Variants in SETBP1 observed in about 807,000 individuals in gnomAD.
SETBP1 encodes SET binding protein 1.
Under a neutral mutation model 101.0 loss-of-function variants are expected in SETBP1, and 9 were observed. The observed-to-expected ratio is 0.09, with a 90% CI of 0.05 to 0.16. The LOEUF (loss-of-function observed/expected upper bound fraction) is 0.16. Among genes scored for constraint, SETBP1 ranks in the 10% least tolerant of loss-of-function variants. SETBP1 has a pLI of 1.00. For missense variants in SETBP1, 1,858 were observed against 2,033.8 expected (o/e 0.91, Z 1.66); for synonymous variants, 818 against 788.5 (o/e 1.04, Z -0.63).
intron 4 of SETBP1, among the ~76,000 whole-genome samples, chr18:44,994,114 G>T (rs183266650): frequency 1.3e-5 from 2 of 152,050 alleles, no homozygotes; most frequent in East Asian, 3.9e-4. Context: ...GGAGAATTTG[G>T]AATATTTAAA....
At chr18:44,746,210 T>C (rs1392943412) in intron 2 of SETBP1, among the ~76,000 whole-genome samples, 2 of 152,216 alleles carry the variant, frequency 1.3e-5, no homozygotes, top group Admixed American at 6.5e-5. Context: ...AAGACATTTA[T>C]GTAGTGGGAC....
intron 5 of SETBP1, among the ~76,000 whole-genome samples, chr18:45,043,060 A>G (rs1045649719): frequency 6.6e-6 from 1 of 152,246 alleles, no homozygotes; most frequent in African/African-American, 2.4e-5. Flanking sequence ...CACTAGCCCA[A>G]TCATGATTTA....
At chr18:44,964,217 TTATTC>T (rs926639879) in intron 4 of SETBP1, among the ~76,000 whole-genome samples, 4 of 152,178 alleles carry the variant, frequency 2.6e-5, no homozygotes, top group Admixed American at 6.5e-5. Context: ...TATTTTTACT[TTATTC>T]TAATCACAGT....
chr18:44,688,392 C>T (rs1318231443), intron 1 of SETBP1, among the ~76,000 whole-genome samples: 1 of 151,964 alleles, frequency 6.6e-6, no homozygotes, highest in African/African-American at 2.4e-5. Flanking sequence ...TTGTAGCAGA[C>T]TAATGAAATC....
intron 2 of SETBP1, among the ~76,000 whole-genome samples, chr18:44,848,447 A>G (rs112915802): frequency 6.6e-6 from 1 of 152,312 alleles, no homozygotes; most frequent in Non-Finnish European, 1.5e-5. Context: ...ATATGGAAAT[A>G]CACATGGCTA....
chr18:44,823,527 G>A (rs2072164065), intron 2 of SETBP1, among the ~76,000 whole-genome samples: 1 of 152,156 alleles, frequency 6.6e-6, no homozygotes, highest in Non-Finnish European at 1.5e-5. Context: ...CTGTGATGAG[G>A]ACTCACTTCT....
chr18:44,912,419 A>G (rs2070331541), intron 3 of SETBP1, among the ~76,000 whole-genome samples: 1 of 152,170 alleles, frequency 6.6e-6, no homozygotes, highest in Non-Finnish European at 1.5e-5. Context: ...TCCTTCTCAA[A>G]GCCCACTTTA....
At chr18:44,733,749 C>T (rs1037749881) in intron 2 of SETBP1, among the ~76,000 whole-genome samples, 1 of 152,166 alleles carries the variant, frequency 6.6e-6, no homozygotes, top group Non-Finnish European at 1.5e-5. Context: ...CACGGTGTCC[C>T]TGAGAAATTT....
chr18:44,703,770 G>A (rs567972415), intron 2 of SETBP1, among the ~76,000 whole-genome samples: 2 of 152,230 alleles, frequency 1.3e-5, no homozygotes, highest in African/African-American at 2.4e-5. Flanking sequence ...ATACTCTGTC[G>A]TGAAACCAAA....
At position 45,063,553 on chromosome 18, in the gene SETBP1, G is replaced by A. The variant is rs752582871; in HGVS notation, c.4646G>A (p.Arg1549Gln). ...CCACCCCCTCTACCCAAGACCCCCCGAGGCGGAAAGAGGAAACACAAACCG... is the reference window on the plus strand; with the variant it reads ...CCACCCCCTCTACCCAAGACCCCCCAAGGCGGAAAGAGGAAACACAAACCG... ...PPPPPLPKTP[R>Q]GGKRKHKPQA... Residue 1549 changes from arginine to glutamine, a missense_variant, in exon 6 of 6, where the codon CGA becomes CAA. Arg to Gln is a conservative substitution (Grantham distance 43, BLOSUM62 1). This residue lies in a region of SETBP1 where 178 missense variants were observed against 189.1 expected (regional missense o/e 0.94). Transcript: ENST00000649279. 1 of 780,058 alleles carries A rather than the reference G, an allele frequency of 1.3e-6. No individual in the cohort carries two copies. Among genetic ancestry groups the A allele is most frequent in the South Asian group, 2.7e-5 (1 of 36,718 alleles). The allele number at this position is 780,058 out of a possible 1,614,324, so 48.3% of individuals were successfully genotyped here.
chr18:44,849,746 G>T (rs1410729297), intron 2 of SETBP1, among the ~76,000 whole-genome samples: 1 of 151,982 alleles, frequency 6.6e-6, no homozygotes, highest in African/African-American at 2.4e-5. Context: ...TTGAGCAAAT[G>T]ACATAACCTC....
At position 44,782,494 on chromosome 18, in the gene SETBP1, T is replaced by C. The variant is rs371378813; in HGVS notation, c.486+80662T>C. Among the ~76,000 whole-genome samples, 3 of 152,236 alleles carry C rather than the reference T, an allele frequency of 2.0e-5. No homozygotes were observed. The East Asian group carries it at 5.8e-4, about 29-fold the overall frequency. On this transcript the variant is annotated intron_variant, in intron 2 of 5. Transcript: ENST00000649279. ...AGGAAAGAAAAGCCAGGAGGAAAGATGAAGAAAGCCCTGTCAAGAGTGCTC... is the reference window on the plus strand; with the variant it reads ...AGGAAAGAAAAGCCAGGAGGAAAGACGAAGAAAGCCCTGTCAAGAGTGCTC...
intron 3 of SETBP1, among the ~76,000 whole-genome samples, chr18:44,930,932 A>G (rs1167569543): frequency 6.7e-6 from 1 of 148,956 alleles, no homozygotes; most frequent in Admixed American, 6.7e-5. Context: ...TTGTGTCTCT[A>G]TCTCCTTCAG....
At chr18:44,754,904 A>G (rs2070459787) in intron 2 of SETBP1, among the ~76,000 whole-genome samples, 1 of 152,078 alleles carries the variant, frequency 6.6e-6, no homozygotes, top group African/African-American at 2.4e-5. Flanking sequence ...GGTCAAAGAC[A>G]CTCCTTCAGC....
At chr18:44,852,722 C>G (rs2072897264) in intron 2 of SETBP1, among the ~76,000 whole-genome samples, 1 of 152,140 alleles carries the variant, frequency 6.6e-6, no homozygotes, top group African/African-American at 2.4e-5. Context: ...TTCCTGGGTG[C>G]CTTTGATACC....
intron 2 of SETBP1, among the ~76,000 whole-genome samples, chr18:44,832,952 A>G (rs2072407897): frequency 6.6e-6 from 1 of 152,232 alleles, no homozygotes; most frequent in South Asian, 2.1e-4. Context: ...ACCTTAGAGC[A>G]TAGTCTCACC....
intron 3 of SETBP1, among the ~76,000 whole-genome samples, chr18:44,898,764 G>A (rs977263236): frequency 6.6e-6 from 1 of 152,188 alleles, no homozygotes; most frequent in Non-Finnish European, 1.5e-5. Context: ...GAAGGAAACA[G>A]GAGGGGACAC....
intron 2 of SETBP1, among the ~76,000 whole-genome samples, chr18:44,768,386 GTA>G (rs1311696050): frequency 1.3e-5 from 2 of 152,170 alleles, no homozygotes; most frequent in Non-Finnish European, 2.9e-5. Context: ...GTATGTGTGT[GTA>G]TGTGTGTGTG....
intron 2 of SETBP1, among the ~76,000 whole-genome samples, chr18:44,738,999 G>T (rs1568118522): frequency 6.6e-6 from 1 of 152,140 alleles, no homozygotes; most frequent in Non-Finnish European, 1.5e-5. Flanking sequence ...CTCTAGGAGA[G>T]AATGTTTCCT....
Sources: gnomAD v4.1 joint callset for allele counts (sites outside exome capture counted in the v4.1 genomes callset) on GRCh38, gnomAD v4.1.1 for gene constraint, gnomAD v4.1.1 regional missense constraint, MANE v1.5 for transcripts, NCBI Gene and HGNC (gene_info 2026-07-23, HGNC 2026-07-21) for gene names.